OOSP3: variants seen among roughly 807,000 people sequenced by gnomAD.
OOSP3 encodes the protein oocyte-secreted protein 3.
intron 2 of OOSP3, among the ~76,000 whole-genome samples, chr11:59,884,475 G>GTCTGTCTGTCTGTC (rs1293196028): frequency 8.8e-6 from 1 of 113,834 alleles, no homozygotes. Context: ...CTGTCTGTCT[G>GTCTGTCTGTCTGTC]TCTCTCTCTC....
At position 59,880,250 on chromosome 11, in the gene OOSP3, T is replaced by A; in HGVS notation, c.74-11T>A. ...GCTATCTAAATGTTTAAAAAAATTT[T>A]TTTTCAACAGTGTCAGTAGGATGTA... On this transcript the variant is annotated splice_polypyrimidine_tract_variant and intron_variant, in intron 1 of 4. Transcript: ENST00000646438. 2.5e-6 allele frequency: 1 copy of A among 398,498 alleles called. No homozygotes were observed. The highest frequency in any genetic ancestry group is 4.4e-6 in the Non-Finnish European group (1 of 226,002). The allele number at this position is 398,498 out of a possible 1,614,324, so 24.7% of individuals were successfully genotyped here.
chr11:59,895,123 G>C (rs1175543875), intron 3 of OOSP3, among the ~76,000 whole-genome samples: 1 of 151,968 alleles, frequency 6.6e-6, no homozygotes, highest in East Asian at 1.9e-4. Context: ...ATATCTTCAG[G>C]ATCAATGGAT....
intron 2 of OOSP3, among the ~76,000 whole-genome samples, chr11:59,891,355 T>C (rs1853310758): frequency 6.6e-6 from 1 of 152,214 alleles, no homozygotes; most frequent in African/African-American, 2.4e-5. Context: ...GGAAGAGGCA[T>C]TCTGGCTTTT....
At chr11:59,887,053 C>T (rs1321198887) in intron 2 of OOSP3, among the ~76,000 whole-genome samples, 1 of 151,894 alleles carries the variant, frequency 6.6e-6, no homozygotes, top group African/African-American at 2.4e-5. Context: ...CCTTGGCCTC[C>T]CAAAGTGCTG....
intron 1 of OOSP3, 22 bp from the exon 2 acceptor site, chr11:59,880,239 T>A (rs1387923481): frequency 5.0e-6 from 2 of 398,344 alleles, no homozygotes; most frequent in Non-Finnish European, 8.8e-6. Flanking sequence ...TCTAAATGTT[T>A]AAAAAAATTT....
intron 2 of OOSP3, among the ~76,000 whole-genome samples, chr11:59,883,158 G>A (rs1853219693): frequency 6.6e-6 from 1 of 152,052 alleles, no homozygotes. Flanking sequence ...TGAGTCTTTG[G>A]CTGAATGTCT....
chr11:59,883,063 A>G (rs1408688315), intron 2 of OOSP3, among the ~76,000 whole-genome samples: 1 of 152,132 alleles, frequency 6.6e-6, no homozygotes, highest in African/African-American at 2.4e-5. Context: ...TTGGGTAAAT[A>G]CCTAGGACTG....
At chr11:59,882,885 C>T (rs1444936140) in intron 2 of OOSP3, among the ~76,000 whole-genome samples, 1 of 152,156 alleles carries the variant, frequency 6.6e-6, no homozygotes, top group Non-Finnish European at 1.5e-5. Context: ...TTCAATCATA[C>T]AATATGTGGC....
At chr11:59,892,619 AT>A (rs1167867963) in intron 2 of OOSP3, among the ~76,000 whole-genome samples, 1 of 151,956 alleles carries the variant, frequency 6.6e-6, no homozygotes, top group African/African-American at 2.4e-5. Context: ...TACTAATCCA[AT>A]CTCTTTACTT....
chr11:59,892,089 G>C (rs1413284448), intron 2 of OOSP3, among the ~76,000 whole-genome samples: 1 of 152,226 alleles, frequency 6.6e-6, no homozygotes, highest in Non-Finnish European at 1.5e-5. Context: ...GTGCCTGCCT[G>C]AGCGGCTGCT....
chr11:59,887,452 C>A (rs956466317), intron 2 of OOSP3, among the ~76,000 whole-genome samples: 2 of 152,112 alleles, frequency 1.3e-5, no homozygotes, highest in African/African-American at 4.8e-5. Context: ...AGTCTTTAAT[C>A]CATCTTGAGT....
chr11:59,881,201 A>AT (rs1336138073), intron 2 of OOSP3, among the ~76,000 whole-genome samples: 3 of 152,060 alleles, frequency 2.0e-5, no homozygotes, highest in African/African-American at 4.8e-5. Flanking sequence ...TCTACTAAAA[A>AT]ATATATAAAA....
In OOSP3 at chr11:59,878,825, G is replaced by T. The variant is rs1853176335; in HGVS notation, c.17G>T (p.Arg6Met). ...GCTGACGTCATGAAAGATTTTGTGA[G>T]GTTACAGTCCTCTTTCCTTTTGTGC... Residue 6 changes from arginine (R) to methionine (M), a missense_variant, in exon 1 of 5, where the codon AGG becomes ATG. Coordinates refer to ENST00000646438, the Ensembl canonical transcript of OOSP3. The T allele has an allele frequency of 1.3e-5, 5 of 398,512 alleles. No homozygotes were observed. In the East Asian group the frequency reaches 1.8e-4, roughly 14 times the overall value. The allele number at this position is 398,512 out of a possible 1,614,324, so 24.7% of individuals were successfully genotyped here. A position where few individuals can be genotyped will look rare whatever the true frequency, so the allele number is the denominator to read the frequency against.
chr11:59,895,655 G>A lies in OOSP3; in HGVS notation c.501+3G>A, dbSNP rs908185252. 3 of 398,238 alleles carry A rather than the reference G, an allele frequency of 7.5e-6. No homozygotes were observed. The highest frequency in any genetic ancestry group is 6.2e-5 in the African/African-American group (3 of 48,602). 24.7% of individuals were successfully genotyped at this position (398,238 alleles called of 1,614,324 possible). ...TTCCATATTTTCAAAACTCCTCGGT[G>A]AGGATCCTTAGAAGAGACAAAACAT... On this transcript the variant is annotated splice_donor_region_variant and intron_variant, in intron 4 of 4. Coordinates refer to ENST00000646438, the Ensembl canonical transcript of OOSP3.
chr11:59,890,001 T>C (rs529170944), intron 2 of OOSP3, among the ~76,000 whole-genome samples: 190 of 152,340 alleles, frequency 1.2e-3, no homozygotes, highest in African/African-American at 4.4e-3. Flanking sequence ...AGTTAGCTTT[T>C]CTTGTTGAAT....
chr11:59,891,941 G>A (rs1207248852), intron 2 of OOSP3, among the ~76,000 whole-genome samples: 3 of 152,200 alleles, frequency 2.0e-5, no homozygotes, highest in Non-Finnish European at 4.4e-5. Context: ...TAGCTTGCAG[G>A]GTTCCGTGGG....
intron 4 of OOSP3, 135 bp downstream of exon 4, chr11:59,895,787 T>C: frequency 2.5e-6 from 1 of 396,680 alleles, no homozygotes; most frequent in South Asian, 1.4e-4. Context: ...ACATGATGGG[T>C]CTCACATTAC....
chr11:59,880,519 G>A (rs767276933), intron 2 of OOSP3, 80 bp downstream of exon 2: 12 of 397,366 alleles, frequency 3.0e-5, no homozygotes, highest in Non-Finnish European at 3.5e-5. Flanking sequence ...CTGTCAGTGC[G>A]AGATTTTTTT....
chr11:59,896,112 A>G (rs1393845828), intron 4 of OOSP3, 21 bp from the exon 5 acceptor site: 1 of 398,246 alleles, frequency 2.5e-6, no homozygotes. Flanking sequence ...TTTATTAACT[A>G]CCTTTCTTTT....
Sources: allele counts gnomAD v4.1 joint callset (sites outside exome capture counted in the v4.1 genomes callset), GRCh38; gene constraint gnomAD v4.1.1; transcripts MANE v1.5; gene names NCBI Gene and HGNC (gene_info 2026-07-23, HGNC 2026-07-21).